ATRIP: variants seen among roughly 807,000 people sequenced by gnomAD.
The protein encoded by ATRIP is ATR-interacting protein.
In ATRIP, 44 loss-of-function variants were observed where a neutral mutation model predicts 78.1. The observed-to-expected ratio is 0.56, with a 90% CI of 0.44 to 0.72. The LOEUF is 0.72. Ranked by LOEUF, ATRIP falls within the 30% of genes least tolerant of loss-of-function variation. The probability of loss-of-function intolerance (pLI) is 0.00; values close to 1 mark genes in which losing one functional copy is unlikely to be tolerated. For missense variants in ATRIP, 927 were observed against 980.2 expected, an observed-to-expected ratio of 0.95 and a Z score of 0.72; for synonymous variants, 388 against 408.9, an observed-to-expected ratio of 0.95 and a Z score of 0.62.
Position 48,446,892 on chromosome 3 carries a change from C to T in ATRIP, c.47C>T (p.Pro16Leu). The T allele has an allele frequency of 2.9e-6, 4 of 1,393,084 alleles. No homozygotes were observed. The highest frequency in any genetic ancestry group is 1.9e-5 in the South Asian group (1 of 53,454). 86.3% of individuals were successfully genotyped at this position (1,393,084 alleles called of 1,614,324 possible). Reference protein sequence around the residue: ...APGSKRRSEPPAPRPGPPPGT... With the variant: ...APGSKRRSEPLAPRPGPPPGT... ...GGCAGCAAGAGGCGGAGCGAGCCCC[C>T]GGCGCCTCGCCCCGGCCCGCCGCCG... Residue 16 changes from proline (P) to leucine (L), a missense_variant, in exon 1 of 13, where the codon CCG becomes CTG. Transcript: ENST00000320211.
At chr3:48,450,691 A>T in intron 2 of ATRIP, 1 of 448,266 alleles carries the variant, frequency 2.2e-6, no homozygotes. Flanking sequence ...GTTTTAAGCG[A>T]TTCACATGCC....
At chr3:48,459,764 T>G in intron 6 of ATRIP, 23 bp from the exon 7 acceptor site, 1 of 1,606,290 alleles carries the variant, frequency 6.2e-7, no homozygotes, top group Admixed American at 1.7e-5. Context: ...CAGAACCTTC[T>G]AGAGTCATCT....
chr3:48,465,979 G>C lies in ATRIP; in HGVS notation c.*425G>C, dbSNP rs987398769. 1.7e-5 allele frequency: 5 copies of C among 301,564 alleles called. No individual in the cohort carries two copies. Among genetic ancestry groups the C allele is most frequent in the African/African-American group, 1.1e-4 (5 of 46,178 alleles). The allele number at this position is 301,564 out of a possible 1,614,324, so 18.7% of individuals were successfully genotyped here. ...CCGCAGCAGGGGCTCCCAGCAGTGT[G>C]TAAGACCGGGAGCTGGTCTGGCACC... On this transcript the variant is annotated 3_prime_UTR_variant, in exon 13 of 13. Coordinates refer to ENST00000320211, the MANE Select transcript of ATRIP (RefSeq NM_130384.3).
At chr3:48,451,107 G>A (rs1035673169) in intron 2 of ATRIP, among the ~76,000 whole-genome samples, 1 of 151,854 alleles carries the variant, frequency 6.6e-6, no homozygotes, top group Non-Finnish European at 1.5e-5. Flanking sequence ...GAGAATTGCT[G>A]GAACCTGGGA....
intron 1 of ATRIP, 95 bp downstream of exon 1, chr3:48,447,187 G>T: frequency 7.7e-7 from 1 of 1,306,216 alleles, no homozygotes; most frequent in African/African-American, 1.5e-5. Context: ...GGCCAGCACT[G>T]CCTTTTCGCC....
chr3:48,455,891 C>T (rs1294797298), intron 4 of ATRIP, among the ~76,000 whole-genome samples: 3 of 151,864 alleles, frequency 2.0e-5, no homozygotes, highest in African/African-American at 7.2e-5. Flanking sequence ...GAGGATGAGG[C>T]GGGCAGATCA....
At position 48,460,590 on chromosome 3, in the gene ATRIP, C is replaced by G. The variant is rs776085917; in HGVS notation, c.1536C>G (p.Ser512Arg). Residue 512 changes from serine to arginine, a missense_variant, in exon 8 of 13, where the codon AGC becomes AGG. By Grantham distance (110) the Ser-to-Arg change is moderately radical (BLOSUM62 -1). Coordinates refer to ENST00000320211, the MANE Select transcript of ATRIP (RefSeq NM_130384.3). ...ADSAAGEGNR[S>R]LVHRLSDGDM... Reference sequence around the variant, plus strand: ...CTGCTGCTGGGGAAGGAAACAGGAGCCTGGTTCACAGGCTTAGTGATGGAG... The same window carrying G: ...CTGCTGCTGGGGAAGGAAACAGGAGGCTGGTTCACAGGCTTAGTGATGGAG... The G allele has an allele frequency of 6.2e-7, 1 of 1,614,092 alleles. No homozygotes were observed. Among genetic ancestry groups the G allele is most frequent in the Non-Finnish European group, 8.5e-7 (1 of 1,179,994 alleles).
In ATRIP at chr3:48,460,729, A is replaced by C. The variant is rs1426930118; in HGVS notation, c.1675A>C (p.Ser559Arg). 1 of 1,613,692 alleles carries C rather than the reference A, an allele frequency of 6.2e-7. No individual in the cohort carries two copies. The highest frequency in any genetic ancestry group is 1.7e-5 in the Admixed American group (1 of 60,014). Residue 559 changes from serine (S) to arginine (R), a missense_variant, in exon 8 of 13, where the codon AGT (serine) becomes CGT (arginine). By Grantham distance (110) the Ser-to-Arg change is moderately radical. Transcript: ENST00000320211. ...TGCAGCAACAGGTCACCTTCAAGCC[A>C]GTGTCCTGACCCAGTGCCTTAAGGT... is the stretch of plus-strand genomic sequence containing the variant. Reference protein sequence around the residue: ...SSAATGHLQASVLTQCLKVLV... With the variant: ...SSAATGHLQARVLTQCLKVLV...
intron 3 of ATRIP, among the ~76,000 whole-genome samples, chr3:48,452,333 G>T (rs1156547168): frequency 6.6e-6 from 1 of 152,084 alleles, no homozygotes; most frequent in Non-Finnish European, 1.5e-5. Flanking sequence ...TATACTTATG[G>T]TAGAGGGTGT....
Position 48,460,145 on chromosome 3 carries a change from G to A in ATRIP, c.1091G>A (p.Gly364Asp). 1 of 1,613,662 alleles carries A rather than the reference G, an allele frequency of 6.2e-7. No homozygotes were observed. Among genetic ancestry groups the A allele is most frequent in the Non-Finnish European group, 8.5e-7 (1 of 1,179,928 alleles). Residue 364 changes from glycine (G) to aspartate (D), a missense_variant, in exon 8 of 13, where the codon GGT (glycine) becomes GAT (aspartate). Gly to Asp is a moderately conservative substitution (Grantham distance 94). Coordinates refer to ENST00000320211, the MANE Select transcript of ATRIP (RefSeq NM_130384.3). Reference sequence around the variant, plus strand: ...GGAATGTCAGGCCTCAGGACCACAGGTTCTTATGATGGGTCATTTTCCCTC... The same window carrying A: ...GGAATGTCAGGCCTCAGGACCACAGATTCTTATGATGGGTCATTTTCCCTC... ...LAGMSGLRTTGSYDGSFSLSA... is the reference protein window; with the variant it reads ...LAGMSGLRTTDSYDGSFSLSA...
chr3:48,465,652 C>T lies in ATRIP; in HGVS notation c.*98C>T. ...TGACCAGCAGGAACTGCCCAGAGAA[C>T]TGGCTGGCCTTGTTTCCTGAGTCTG... On this transcript the variant is annotated 3_prime_UTR_variant, in exon 13 of 13. Transcript: ENST00000320211. 1 of 1,282,298 alleles carries T rather than the reference C, an allele frequency of 7.8e-7. No individual in the cohort carries two copies. Among genetic ancestry groups the T allele is most frequent in the Non-Finnish European group, 1.1e-6 (1 of 898,628 alleles). 79.4% of individuals were successfully genotyped at this position (1,282,298 alleles called of 1,614,324 possible). A position where few individuals can be genotyped will look rare whatever the true frequency, so the allele number is the denominator to read the frequency against.
rs774538797 is a variant in ATRIP, at chr3:48,466,936, C to T, written c.*1382C>T. Reference sequence around the variant, plus strand: ...GGTCTGAGCACAGCTGTGCTGGCAGCGCATGGGCGTCAATGTTTTGATGAC... The same window carrying T: ...GGTCTGAGCACAGCTGTGCTGGCAGTGCATGGGCGTCAATGTTTTGATGAC... On this transcript the variant is annotated 3_prime_UTR_variant, in exon 13 of 13. Coordinates refer to ENST00000320211, the MANE Select transcript of ATRIP (RefSeq NM_130384.3). 2.1e-5 allele frequency: 34 copies of T among 1,611,296 alleles called. No individual in the cohort carries two copies. The highest frequency in any genetic ancestry group is 2.4e-5 in the Non-Finnish European group (28 of 1,180,026).
intron 4 of ATRIP, among the ~76,000 whole-genome samples, 190 bp downstream of exon 4, chr3:48,454,608 C>A (rs2039910390): frequency 6.6e-6 from 1 of 152,104 alleles, no homozygotes; most frequent in Non-Finnish European, 1.5e-5. Flanking sequence ...GCATAAAGGC[C>A]TATACTCTAG....
chr3:48,446,929 C>A lies in ATRIP; in HGVS notation c.84C>A (p.His28Gln). The change falls in exon 1 of 13, where the codon CAC becomes CAA. Residue 28 changes from histidine to glutamine, a missense_variant. By Grantham distance (24) the His-to-Gln change is conservative (BLOSUM62 0). Transcript: ENST00000320211. ...CCGGCCCGCCGCCGGGCACCGGGCA[C>A]CCCCCGAGCAAGCGGGCCCGGGGCT... The part of the protein sequence containing the change: ...PRPGPPPGTG[H>Q]PPSKRARGFS... 6.9e-7 allele frequency: 1 copy of A among 1,449,884 alleles called. No homozygotes were observed. Among genetic ancestry groups the A allele is most frequent in the Non-Finnish European group, 9.1e-7 (1 of 1,101,388 alleles). The allele number at this position is 1,449,884 out of a possible 1,614,324, so 89.8% of individuals were successfully genotyped here.
chr3:48,466,570 TCCCTC>T lies in ATRIP; in HGVS notation c.*1021_*1025del. On this transcript the variant is annotated 3_prime_UTR_variant, in exon 13 of 13. Coordinates refer to ENST00000320211, the MANE Select transcript of ATRIP (RefSeq NM_130384.3). ...TGCTTCTGCCCACCCCCTACCCCACTCCCTCCCCTTCGGATCTTAACACTGGGCAC... is the reference window on the plus strand; with the variant it reads ...TGCTTCTGCCCACCCCCTACCCCACTCCCTTCGGATCTTAACACTGGGCAC... 6.3e-7 allele frequency: 1 copy of T among 1,592,836 alleles called. No individual in the cohort carries two copies. Among genetic ancestry groups the T allele is most frequent in the African/African-American group, 1.4e-5 (1 of 72,884 alleles).
intron 3 of ATRIP, 152 bp from the exon 4 acceptor site, chr3:48,454,148 C>A: frequency 3.4e-6 from 2 of 579,890 alleles, no homozygotes; most frequent in South Asian, 1.9e-5. Flanking sequence ...AGAAAGAAAG[C>A]TAATGTTTAA....
intron 1 of ATRIP, among the ~76,000 whole-genome samples, chr3:48,449,235 G>A (rs1237425008): frequency 1.3e-5 from 2 of 151,792 alleles, no homozygotes; most frequent in African/African-American, 4.8e-5. Flanking sequence ...CCAATATGGT[G>A]AAACCCCGTC....
At chr3:48,450,200 C>G (rs1560101856) in intron 2 of ATRIP, 30 bp downstream of exon 2, 2 of 1,594,806 alleles carry the variant, frequency 1.3e-6, no homozygotes, top group Non-Finnish European at 8.5e-7. Flanking sequence ...GTTTTTGTAG[C>G]TAATTCATTC....
intron 5 of ATRIP, among the ~76,000 whole-genome samples, chr3:48,458,899 C>G (rs1225205556): frequency 6.6e-6 from 1 of 152,120 alleles, no homozygotes; most frequent in African/African-American, 2.4e-5. Context: ...GCAGTAGAGC[C>G]CAGTAGCCTG....
Sources: allele counts gnomAD v4.1 joint callset (sites outside exome capture counted in the v4.1 genomes callset), GRCh38; gene constraint gnomAD v4.1.1; transcripts MANE v1.5; gene names NCBI Gene and HGNC (gene_info 2026-07-23, HGNC 2026-07-21).